Variants in HSD17B12 observed in about 807,000 individuals in gnomAD.
HSD17B12 encodes hydroxysteroid 17-beta dehydrogenase 12.
A neutral mutation model predicts 39.3 loss-of-function variants in HSD17B12; 32 were observed. The observed-to-expected ratio is 0.81, with a 90% CI of 0.61 to 1.09. HSD17B12 has a LOEUF of 1.09. Ranked by LOEUF, HSD17B12 falls within the 50% of genes least tolerant of loss-of-function variation. The probability of loss-of-function intolerance (pLI) is 0.00; values close to 1 mark genes in which losing one functional copy is unlikely to be tolerated. For synonymous variants in HSD17B12, 150 were observed against 146.7 expected, an observed-to-expected ratio of 1.02 and a Z score of -0.16; for missense variants, 342 against 382.9, an observed-to-expected ratio of 0.89 and a Z score of 0.89.
chr11:43,570,889 TC>T, the HSD17B12 span, among the ~76,000 whole-genome samples: 1 of 152,192 alleles, frequency 6.6e-6, no homozygotes, highest in Non-Finnish European at 1.5e-5. Flanking sequence ...AAGTCTCTCT[TC>T]TCATGACAAG....
intron 1 of HSD17B12, among the ~76,000 whole-genome samples, chr11:43,735,943 G>A (rs539564659): frequency 1.8e-4 from 27 of 152,132 alleles, no homozygotes; most frequent in African/African-American, 6.5e-4. Flanking sequence ...TCACTGTCAC[G>A]AGAACAGCAT....
chr11:43,845,538 G>A (rs1951467297), intron 9 of HSD17B12, among the ~76,000 whole-genome samples: 1 of 152,106 alleles, frequency 6.6e-6, no homozygotes, highest in African/African-American at 2.4e-5. Context: ...TTTTTTAAGA[G>A]TACAGTATTC....
At chr11:43,805,929 G>A (rs1951014090) in intron 4 of HSD17B12, among the ~76,000 whole-genome samples, 4 of 152,156 alleles carry the variant, frequency 2.6e-5, no homozygotes, top group Admixed American at 1.3e-4. Flanking sequence ...AGCGATTCAT[G>A]GAACTCAGAA....
chr11:43,768,496 T>C (rs1950617852), intron 3 of HSD17B12, among the ~76,000 whole-genome samples: 1 of 152,044 alleles, frequency 6.6e-6, no homozygotes. Flanking sequence ...TCTCACTGAC[T>C]TCAAGAATGA....
intron 1 of HSD17B12, among the ~76,000 whole-genome samples, chr11:43,718,133 A>T (rs1461227988): frequency 6.6e-6 from 1 of 152,198 alleles, no homozygotes; most frequent in Non-Finnish European, 1.5e-5. Context: ...TGGTCAAAGC[A>T]AGCCACAGGA....
the HSD17B12 span, among the ~76,000 whole-genome samples, chr11:43,578,679 A>G: frequency 2.8e-5 from 4 of 144,190 alleles, no homozygotes; most frequent in Middle Eastern, 3.2e-3. Context: ...TTCTGCCACA[A>G]TTGCAAAGGA....
rs1414468888 is a variant in HSD17B12 at position 43,720,234 on chromosome 11, G to A, written c.161-30677G>A. ...CTAAATTCTGCTTAAAAATTAAACA[G>A]GTCCTTCTTTAGTTTATTTCTCTCT... On this transcript the variant is annotated intron_variant, in intron 1 of 10. Coordinates refer to ENST00000278353, the MANE Select transcript of HSD17B12 (RefSeq NM_016142.3). Among the ~76,000 whole-genome samples, 4 of 152,202 alleles carry A rather than the reference G, an allele frequency of 2.6e-5. No homozygotes were observed. The East Asian group carries it at 7.7e-4, about 29-fold the overall frequency.
the HSD17B12 span, among the ~76,000 whole-genome samples, chr11:43,587,423 A>C: frequency 1.3e-5 from 2 of 152,138 alleles, no homozygotes; most frequent in African/African-American, 4.8e-5. Context: ...TAAGGCCTAC[A>C]TTTTACAATA....
the HSD17B12 span, among the ~76,000 whole-genome samples, chr11:43,638,727 A>G: frequency 1.3e-5 from 2 of 152,190 alleles, no homozygotes; most frequent in African/African-American, 4.8e-5. Context: ...ATAATTACTT[A>G]TAAATAAGTT....
chr11:43,835,519 G>T (rs1951360990), intron 7 of HSD17B12, among the ~76,000 whole-genome samples: 2 of 152,168 alleles, frequency 1.3e-5, no homozygotes, highest in South Asian at 4.1e-4. Flanking sequence ...ACTGTTGTGT[G>T]TGTGGGTGTG....
At chr11:43,846,919 C>T (rs1262514250) in intron 9 of HSD17B12, among the ~76,000 whole-genome samples, 1 of 152,164 alleles carries the variant, frequency 6.6e-6, no homozygotes, top group Non-Finnish European at 1.5e-5. Flanking sequence ...TTAGAAAGCA[C>T]CTAATAATCT....
intron 3 of HSD17B12, among the ~76,000 whole-genome samples, chr11:43,769,636 A>G (rs1409693399): frequency 2.0e-5 from 3 of 152,208 alleles, no homozygotes; most frequent in Admixed American, 2.0e-4. Context: ...TTGTTTTTCA[A>G]TTATGAATCA....
chr11:43,802,823 G>A (rs545653196), intron 4 of HSD17B12, among the ~76,000 whole-genome samples: 13 of 152,266 alleles, frequency 8.5e-5, no homozygotes, highest in African/African-American at 2.9e-4. Flanking sequence ...GATAAACCCT[G>A]CTTTAAAATT....
chr11:43,689,666 C>T (rs1193241953), intron 1 of HSD17B12, among the ~76,000 whole-genome samples: 7 of 152,094 alleles, frequency 4.6e-5, no homozygotes, highest in African/African-American at 1.7e-4. Context: ...CCTGCCTCAG[C>T]CCCCCAAGTA....
chr11:43,673,493 T>TTTTCTTTC, the HSD17B12 span: 2 of 23,660 alleles, frequency 8.5e-5, no homozygotes, highest in Admixed American at 7.4e-4. Context: ...TTTTCTTTTC[T>TTTTCTTTC]TTTTTTTTTT....
the HSD17B12 span, among the ~76,000 whole-genome samples, chr11:43,630,026 T>A: frequency 1.3e-5 from 2 of 152,178 alleles, no homozygotes; most frequent in African/African-American, 4.8e-5. Context: ...CATCAGGAGA[T>A]CTTACTTTGA....
At chr11:43,678,527 G>T (rs1011738781), upstream of HSD17B12, among the ~76,000 whole-genome samples, 1 of 152,206 alleles carries the variant, frequency 6.6e-6, no homozygotes, top group Non-Finnish European at 1.5e-5. Flanking sequence ...GTCCTGAATG[G>T]TATTGCCTAG....
chr11:43,626,993 A>C, the HSD17B12 span, among the ~76,000 whole-genome samples: 1 of 152,006 alleles, frequency 6.6e-6, no homozygotes, highest in Admixed American at 6.6e-5. Context: ...TGAGGTGCTG[A>C]AGGGTTACAT....
At chr11:43,635,994 C>G in the HSD17B12 span, among the ~76,000 whole-genome samples, 1 of 152,146 alleles carries the variant, frequency 6.6e-6, no homozygotes, top group African/African-American at 2.4e-5. Context: ...GATACAGAGC[C>G]AAGCTTCAAT....
Sources: gnomAD v4.1 joint callset for allele counts (sites outside exome capture counted in the v4.1 genomes callset) on GRCh38, gnomAD v4.1.1 for gene constraint, MANE v1.5 for transcripts, NCBI Gene and HGNC (gene_info 2026-07-23, HGNC 2026-07-21) for gene names.